Variants in WNK3 observed in about 807,000 individuals in gnomAD.
The protein encoded by WNK3 is WNK lysine deficient protein kinase 3.
In WNK3, 18 loss-of-function variants were observed where a neutral mutation model predicts 116.7. That is an observed-to-expected ratio of 0.15 (90% confidence interval 0.11 to 0.23). The LOEUF is 0.23. Ranked by LOEUF, WNK3 falls within the 10% of genes least tolerant of loss-of-function variation. WNK3 has a pLI of 1.00. For synonymous variants in WNK3, 404 were observed against 469.4 expected (o/e 0.86, Z 1.80); for missense variants, 993 against 1,323.8 (o/e 0.75, Z 3.88).
At chrX:54,232,762 T>C (rs781786673) in intron 21 of WNK3, 47 bp downstream of exon 21, 1 of 1,080,616 alleles carries the variant, frequency 9.3e-7, no homozygotes. Context: ...CTAATTTTGC[T>C]AATCTTGGAC....
chrX:54,207,685 T>C (rs1557142955), intron 22 of WNK3, among the ~76,000 whole-genome samples: 1 of 109,137 alleles, frequency 9.2e-6, no homozygotes, highest in Non-Finnish European at 1.9e-5. Context: ...GGCTATCCTT[T>C]GCATTTTTAG....
chrX:54,238,922 C>G lies in WNK3; in HGVS notation c.3829G>C (p.Ala1277Pro), dbSNP rs138028142. The G allele has an allele frequency of 3.3e-6, 4 of 1,204,287 alleles. No individual in the cohort carries two copies. Among genetic ancestry groups the G allele is most frequent in the Non-Finnish European group, 3.4e-6 (3 of 892,950 alleles). ...CTGGTTGACTGCCGTAGCCTGTATG[C>G]CCAGCTTTTTAATTTGCGAGTCCAG... The change falls in exon 18 of 24, where the codon GCA (alanine) becomes CCA (proline). Residue 1277 changes from alanine to proline, a missense_variant. Physicochemically the swap from Ala to Pro is conservative, Grantham distance 27. Around this residue, in one of 4 missense-constraint regions of WNK3, gnomAD observed 836 missense variants for 976.5 expected, o/e 0.86. Transcript: ENST00000354646.
At chrX:54,299,618 G>A (rs879960717) in intron 6 of WNK3, among the ~76,000 whole-genome samples, 1 of 107,759 alleles carries the variant, frequency 9.3e-6, no homozygotes, top group Non-Finnish European at 1.9e-5. Flanking sequence ...TAGAAACGGG[G>A]TTTCACCATG....
At chrX:54,269,854 T>C (rs1034644296) in intron 10 of WNK3, among the ~76,000 whole-genome samples, 1 of 110,344 alleles carries the variant, frequency 9.1e-6, no homozygotes, top group Non-Finnish European at 1.9e-5. Flanking sequence ...TGAACACTCA[T>C]CAAACTGTAC....
exon 22 of WNK3, chrX:54,228,715 T>C: frequency 2.0e-6 from 1 of 489,101 alleles, no homozygotes; most frequent in Non-Finnish European, 3.7e-6. Context: ...AATACTTACT[T>C]TCCAACTCAT....
At chrX:54,198,422 C>A (rs781958016) in exon 24 of WNK3, 1 of 1,210,755 alleles carries the variant, frequency 8.3e-7, no homozygotes, top group African/African-American at 1.7e-5. Flanking sequence ...CCAGATTGGG[C>A]GGGAATTACT....
chrX:54,207,392 T>C (rs1406194441), intron 22 of WNK3, among the ~76,000 whole-genome samples: 1 of 111,654 alleles, frequency 9.0e-6, no homozygotes, highest in Non-Finnish European at 1.9e-5. Flanking sequence ...TATTTGAAAG[T>C]TACATGTCTT....
intron 1 of WNK3, among the ~76,000 whole-genome samples, chrX:54,353,274 C>A (rs2069543833): frequency 9.0e-6 from 1 of 111,018 alleles, no homozygotes; most frequent in South Asian, 3.8e-4. Context: ...GCCTGACCAA[C>A]ATGGAGAAAC....
intron 10 of WNK3, among the ~76,000 whole-genome samples, chrX:54,267,551 C>T (rs1413846183): frequency 9.1e-6 from 1 of 110,337 alleles, no homozygotes; most frequent in African/African-American, 3.3e-5. Flanking sequence ...TTTGGGAGGC[C>T]GAGGTGGGGG....
intron 10 of WNK3, among the ~76,000 whole-genome samples, chrX:54,277,495 G>A (rs112462529): frequency 0.13 from 14,165 of 108,426 alleles, 1,086 homozygotes; most frequent in African/African-American, 0.29. Context: ...GTGCCACCAC[G>A]CCCAGCTAAT....
intron 1 of WNK3, among the ~76,000 whole-genome samples, chrX:54,355,569 G>C (rs1271238462): frequency 9.1e-6 from 1 of 109,545 alleles, no homozygotes; most frequent in Non-Finnish European, 1.9e-5. Flanking sequence ...AAAAGAATGA[G>C]TTCAAATTCT....
At chrX:54,238,254 T>C in intron 19 of WNK3, 88 bp downstream of exon 19, 1 of 1,036,825 alleles carries the variant, frequency 9.6e-7, no homozygotes, top group Non-Finnish European at 1.3e-6. Flanking sequence ...AAAACAAAAA[T>C]GGAAGTATCA....
intron 22 of WNK3, among the ~76,000 whole-genome samples, chrX:54,214,983 G>A (rs980538530): frequency 2.8e-5 from 3 of 108,488 alleles, no homozygotes; most frequent in Non-Finnish European, 5.8e-5. Context: ...ACTACGTGGT[G>A]GCGGGTGCCT....
In WNK3 at chrX:54,315,655, T is replaced by C. The variant is rs782655859; in HGVS notation, c.538-4364A>G. Among the ~76,000 whole-genome samples the C allele has an allele frequency of 7.1e-4, 80 of 112,015 alleles. 1 individual carries two copies. The highest frequency in any genetic ancestry group is 2.2e-3 in the South Asian group (6 of 2,682). On this transcript the variant is annotated intron_variant, in intron 2 of 23. Coordinates refer to ENST00000354646, the Ensembl canonical transcript of WNK3. ...GAAAGGTGCATGTAAGATTCTTTTT[T>C]CTTGGTTAGTCTAGTTATTTACCAG...
chrX:54,280,435 G>A (rs868943723), intron 10 of WNK3, among the ~76,000 whole-genome samples: 1 of 111,693 alleles, frequency 9.0e-6, no homozygotes, highest in African/African-American at 3.3e-5. Flanking sequence ...AAAATTACAG[G>A]ATATAATGGA....
At chrX:54,238,772 G>T in intron 18 of WNK3, 96 bp downstream of exon 18, 2 of 684,654 alleles carry the variant, frequency 2.9e-6, no homozygotes, top group Non-Finnish European at 4.1e-6. Flanking sequence ...TGGGCTATGT[G>T]GAAAAAGTGG....
chrX:54,228,292 T>C (rs1447788331), intron 22 of WNK3, among the ~76,000 whole-genome samples: 1 of 112,272 alleles, frequency 8.9e-6, no homozygotes, highest in Admixed American at 9.5e-5. Context: ...TGGATAAACA[T>C]ACATTTTAAT....
At chrX:54,280,351 G>A (rs1252081564) in intron 10 of WNK3, among the ~76,000 whole-genome samples, 2 of 110,238 alleles carry the variant, frequency 1.8e-5, no homozygotes, top group African/African-American at 3.3e-5. Flanking sequence ...TCTAGTCCCA[G>A]ATGACATGAT....
At chrX:54,289,354 A>G (rs2068614004) in intron 10 of WNK3, among the ~76,000 whole-genome samples, 1 of 110,829 alleles carries the variant, frequency 9.0e-6, no homozygotes, top group African/African-American at 3.3e-5. Flanking sequence ...CTGGGGACAT[A>G]TCACAAAGGG....
Sources: gnomAD v4.1 joint callset for allele counts (sites outside exome capture counted in the v4.1 genomes callset) on GRCh38, gnomAD v4.1.1 for gene constraint, gnomAD v4.1.1 regional missense constraint, MANE v1.5 for transcripts, NCBI Gene and HGNC (gene_info 2026-07-23, HGNC 2026-07-21) for gene names.